The following SLC14A2 variants were observed in gnomAD, a reference collection of about 807,000 sequenced individuals.
The protein encoded by SLC14A2 is solute carrier family 14 member 2.
Under a neutral mutation model 104.6 loss-of-function variants are expected in SLC14A2, and 91 were observed. The observed-to-expected ratio is 0.87, with a 90% confidence interval of 0.73 to 1.04. SLC14A2 has a LOEUF of 1.04. Among genes scored for constraint, SLC14A2 ranks in the 50% least tolerant of loss-of-function variants. The pLI is 0.00. For synonymous variants in SLC14A2, 476 were observed against 466.4 expected, an observed-to-expected ratio of 1.02 and a Z score of -0.27; for missense variants, 1,189 against 1,156.0, an observed-to-expected ratio of 1.03 and a Z score of -0.41.
chr18:45,427,524 G>A (rs116999835), intron 1 of SLC14A2, among the ~76,000 whole-genome samples: 4,964 of 152,236 alleles, frequency 0.033, 91 homozygotes, highest in South Asian at 0.052. Context: ...GGTACATGGT[G>A]TGTGTGTGCA....
intron 1 of SLC14A2, among the ~76,000 whole-genome samples, chr18:45,414,757 A>AAAAATATATATATATATATATAT (rs1360051908): frequency 1.6e-4 from 12 of 76,080 alleles, no homozygotes; most frequent in African/African-American, 6.2e-4. Flanking sequence ...AAAAAAAAAA[A>AAAAATATATATATATATATATAT]ATATATATAT....
chr18:45,205,911 G>A, the SLC14A2 span, among the ~76,000 whole-genome samples: 22 of 152,334 alleles, frequency 1.4e-4, 1 homozygote, highest in South Asian at 4.1e-3. Flanking sequence ...ATGGAAAGAG[G>A]GAGGGGGATC....
chr18:45,669,701 T>C (rs1383370414), intron 16 of SLC14A2, among the ~76,000 whole-genome samples: 3 of 152,190 alleles, frequency 2.0e-5, no homozygotes, highest in Non-Finnish European at 2.9e-5. Flanking sequence ...CACTCTATGA[T>C]AGCACAGAGA....
chr18:45,233,944 A>G (rs2084201068), intron 1 of SLC14A2, among the ~76,000 whole-genome samples: 2 of 151,988 alleles, frequency 1.3e-5, no homozygotes, highest in African/African-American at 4.8e-5. Flanking sequence ...AAAGTGAGAA[A>G]TTAGCTCATT....
At chr18:45,451,694 C>T (rs961918490) in intron 1 of SLC14A2, among the ~76,000 whole-genome samples, 1 of 152,138 alleles carries the variant, frequency 6.6e-6, no homozygotes, top group African/African-American at 2.4e-5. Context: ...TGCAATTGCA[C>T]TCCAATAAAC....
At chr18:45,628,600 G>T (rs2144515890) in intron 4 of SLC14A2, among the ~76,000 whole-genome samples, 1 of 152,260 alleles carries the variant, frequency 6.6e-6, no homozygotes, top group South Asian at 2.1e-4. Flanking sequence ...GAAAGCACTG[G>T]ATTATCCCCT....
the SLC14A2 span, among the ~76,000 whole-genome samples, chr18:45,184,975 T>G: frequency 6.6e-6 from 1 of 152,308 alleles, no homozygotes; most frequent in South Asian, 2.1e-4. Flanking sequence ...TTAGCTTGGA[T>G]TTCCCAGAAG....
At chr18:45,429,371 G>A (rs994970522) in intron 1 of SLC14A2, among the ~76,000 whole-genome samples, 3 of 152,192 alleles carry the variant, frequency 2.0e-5, no homozygotes, top group African/African-American at 7.2e-5. Context: ...CTAAGCAGAG[G>A]AAGTTGGTCT....
At chr18:45,320,626 G>A (rs1291582662) in intron 1 of SLC14A2, among the ~76,000 whole-genome samples, 1 of 152,222 alleles carries the variant, frequency 6.6e-6, no homozygotes, top group East Asian at 1.9e-4. Flanking sequence ...AGTGGTGAGA[G>A]TGTCAAGTCT....
chr18:45,599,818 G>A (rs2044764154), intron 2 of SLC14A2, among the ~76,000 whole-genome samples: 2 of 152,230 alleles, frequency 1.3e-5, no homozygotes, highest in South Asian at 4.1e-4. Flanking sequence ...AAGACGAGGA[G>A]CAAGACACAT....
At chr18:45,209,534 C>CA (rs1437919896), upstream of SLC14A2, among the ~76,000 whole-genome samples, 3 of 146,508 alleles carry the variant, frequency 2.0e-5, no homozygotes, top group Non-Finnish European at 4.5e-5. Flanking sequence ...TAACTAGAAT[C>CA]ACCCCTTCCT....
intron 1 of SLC14A2, among the ~76,000 whole-genome samples, chr18:45,299,889 C>T (rs903521262): frequency 6.6e-6 from 1 of 152,174 alleles, no homozygotes; most frequent in African/African-American, 2.4e-5. Context: ...CGTGTCTTGG[C>T]CTGTTCTCTG....
intron 1 of SLC14A2, among the ~76,000 whole-genome samples, chr18:45,302,742 G>T (rs2084980514): frequency 6.6e-6 from 1 of 152,120 alleles, no homozygotes; most frequent in African/African-American, 2.4e-5. Flanking sequence ...GGGAAATCCA[G>T]AATATATTAG....
At chr18:45,412,536 G>A (rs932918595) in intron 1 of SLC14A2, among the ~76,000 whole-genome samples, 1 of 152,138 alleles carries the variant, frequency 6.6e-6, no homozygotes, top group African/African-American at 2.4e-5. Flanking sequence ...TCTAGAGCCA[G>A]CCCAGAACCT....
chr18:45,525,424 A>G (rs1204500590), intron 2 of SLC14A2, among the ~76,000 whole-genome samples: 1 of 152,166 alleles, frequency 6.6e-6, no homozygotes, highest in Non-Finnish European at 1.5e-5. Flanking sequence ...CATGTCTTGA[A>G]GAATGTCTCC....
chr18:45,245,823 G>C (rs1220886658), intron 1 of SLC14A2, among the ~76,000 whole-genome samples: 1 of 152,086 alleles, frequency 6.6e-6, no homozygotes, highest in Non-Finnish European at 1.5e-5. Flanking sequence ...TTCATGTATT[G>C]AGTTCTGTTG....
chr18:45,343,233 A>T (rs1468117013), intron 1 of SLC14A2, among the ~76,000 whole-genome samples: 1 of 149,050 alleles, frequency 6.7e-6, no homozygotes, highest in Middle Eastern at 3.5e-3. Flanking sequence ...TGAAGGTTGC[A>T]TTGTGTCTCT....
At chr18:45,597,179 T>G (rs1326197744) in intron 2 of SLC14A2, among the ~76,000 whole-genome samples, 1 of 152,088 alleles carries the variant, frequency 6.6e-6, no homozygotes. Context: ...ATACAAAAAT[T>G]AGCCAGGCGT....
chr18:45,531,840 C>T (rs905937596), intron 2 of SLC14A2, among the ~76,000 whole-genome samples: 4 of 152,142 alleles, frequency 2.6e-5, no homozygotes, highest in African/African-American at 9.7e-5. Context: ...TTAGGTCTAA[C>T]ATGTAAGTCT....
Sources: gnomAD v4.1 joint callset for allele counts (sites outside exome capture counted in the v4.1 genomes callset) on GRCh38, gnomAD v4.1.1 for gene constraint, MANE v1.5 for transcripts, NCBI Gene and HGNC (gene_info 2026-07-23, HGNC 2026-07-21) for gene names.